SYNE1: variants seen among roughly 807,000 people sequenced by gnomAD.
The protein encoded by SYNE1 is spectrin repeat containing nuclear envelope protein 1, also known as nesprin-1.
A neutral mutation model predicts 1,111.0 loss-of-function variants in SYNE1; 616 were observed. The observed-to-expected ratio is 0.55, with a 90% CI of 0.52 to 0.59. SYNE1 has a LOEUF of 0.59. Among genes scored for constraint, SYNE1 ranks in the 20% least tolerant of loss-of-function variants. The probability of loss-of-function intolerance (pLI) is 0.00; values close to 1 mark genes in which losing one functional copy is unlikely to be tolerated. For missense variants in SYNE1, 10,006 were observed against 10,417.0 expected (o/e 0.96, Z 1.72); for synonymous variants, 3,855 against 3,825.8 (o/e 1.01, Z -0.28).
chr6:152,528,697 A>G (rs77834113), intron 4 of SYNE1, among the ~76,000 whole-genome samples: 1 of 152,206 alleles, frequency 6.6e-6, no homozygotes, highest in Non-Finnish European at 1.5e-5. Context: ...GCTTGTGTCC[A>G]TGCCAGTATA....
At chr6:152,570,323 T>A (rs904091329) in intron 3 of SYNE1, among the ~76,000 whole-genome samples, 2 of 152,228 alleles carry the variant, frequency 1.3e-5, no homozygotes, top group African/African-American at 4.8e-5. Flanking sequence ...CTTTTGAATC[T>A]CTGCCTATAA....
Position 152,381,352 on chromosome 6 carries a change from T to G in SYNE1, c.8663A>C (p.Asp2888Ala). 1 of 1,613,518 alleles carries G rather than the reference T, an allele frequency of 6.2e-7. No individual in the cohort carries two copies. The highest frequency in any genetic ancestry group is 1.3e-5 in the African/African-American group (1 of 75,054). Residue 2888 changes from aspartate to alanine, a missense_variant, in exon 56 of 146, where the codon GAT (aspartate) becomes GCT (alanine). Physicochemically the swap from Asp to Ala is moderately radical, Grantham distance 126. Around this residue, in one of 7 missense-constraint regions of SYNE1, gnomAD observed 4,955 missense variants for 5,017.2 expected, o/e 0.99. Coordinates refer to ENST00000367255, the MANE Select transcript of SYNE1 (RefSeq NM_182961.4). ...ACGGCTTGCACCAATCTCTCTGGAATCTATCAGCTCCTGTAATGGAATATC... is the reference window on the plus strand; with the variant it reads ...ACGGCTTGCACCAATCTCTCTGGAAGCTATCAGCTCCTGTAATGGAATATC... ...KKLSKIKELIDSREIGASRLS... is the reference protein window; with the variant it reads ...KKLSKIKELIASREIGASRLS...
rs886043803 is a variant in SYNE1, at chr6:152,436,054, A to C, written c.4197T>G (p.Leu1399=). ...GCGGTATCTCTGAAGCTTCCTTTAC[A>C]AGGTTCTCAGCCTGGACTGCAATAC... ...TESIAVQAEN[L]VKEASEIPLG... Residue 1399 remains leucine (L), a synonymous_variant, in exon 33 of 146, where the codon CTT becomes CTG. Transcript: ENST00000367255. The C allele has an allele frequency of 1.2e-6, 2 of 1,613,940 alleles. No individual in the cohort carries two copies. Among genetic ancestry groups the C allele is most frequent in the Admixed American group, 1.7e-5 (1 of 59,986 alleles).
Position 152,409,700 on chromosome 6 carries a change from C to A in SYNE1, c.6240G>T (p.Gln2080His), listed in dbSNP as rs201602211. 1 of 1,613,570 alleles carries A rather than the reference C, an allele frequency of 6.2e-7. No individual in the cohort carries two copies. The highest frequency in any genetic ancestry group is 8.5e-7 in the Non-Finnish European group (1 of 1,179,918). Residue 2080 changes from glutamine to histidine, a missense_variant, in exon 43 of 146, where the codon CAG (glutamine) becomes CAT (histidine). Around this residue, in one of 7 missense-constraint regions of SYNE1, gnomAD observed 4,955 missense variants for 5,017.2 expected, o/e 0.99. Transcript: ENST00000367255. ...TCATTAAGTCAATAAGTCCACAGCA[C>A]TGACCCTGACTGTAATGATTAAAGA... ...TKRLIHENQG[Q>H]CCGLIDLMRE...
In SYNE1 at chr6:152,308,378, A is replaced by G. The variant is rs6922495; in HGVS notation, c.17346+111T>C. On this transcript the variant is annotated intron_variant, in intron 91 of 145. Transcript: ENST00000367255. Reference sequence around the variant, plus strand: ...CAAAGAGGCCTCTCAAGAGTTGAACACATTAAGTGCAGGACAGGGGAAACT... The same window carrying G: ...CAAAGAGGCCTCTCAAGAGTTGAACGCATTAAGTGCAGGACAGGGGAAACT... 8,279 of 1,485,292 alleles carry G rather than the reference A, an allele frequency of 5.6e-3. 402 individuals are homozygous for G. The African/African-American group carries it at 0.1, about 18-fold the overall frequency. The allele number at this position is 1,485,292 out of a possible 1,614,324, so 92.0% of individuals were successfully genotyped here. A position where few individuals can be genotyped will look rare whatever the true frequency, so the allele number is the denominator to read the frequency against.
rs572812303 is a variant in SYNE1 at position 152,621,106 on chromosome 6, C to T, written c.67+7159G>A. On this transcript the variant is annotated intron_variant, in intron 3 of 145. Coordinates refer to ENST00000367255, the MANE Select transcript of SYNE1 (RefSeq NM_182961.4). ...GGTTTTAGGAACAGTGACTTGAGCT[C>T]ATTCCAGAAGGTGCCCCAGAAGGAG... 2.4e-4 allele frequency among the ~76,000 whole-genome samples: 36 copies of T among 152,294 alleles called. No individual in the cohort carries two copies. The South Asian group carries it at 4.1e-3, about 18-fold the overall frequency.
At chr6:152,262,720 T>C (rs190043222) in intron 100 of SYNE1, among the ~76,000 whole-genome samples, 55 of 149,752 alleles carry the variant, frequency 3.7e-4, no homozygotes, top group African/African-American at 1.2e-3. Flanking sequence ...GGGAAGGTAG[T>C]ACAGGACACG....
At chr6:152,565,410 A>T (rs1429570352) in intron 3 of SYNE1, among the ~76,000 whole-genome samples, 1 of 152,194 alleles carries the variant, frequency 6.6e-6, no homozygotes, top group South Asian at 2.1e-4. Flanking sequence ...CCAGTATGGC[A>T]TATGCAGCAA....
At chr6:152,475,145 G>A (rs2098827667) in intron 14 of SYNE1, among the ~76,000 whole-genome samples, 1 of 152,048 alleles carries the variant, frequency 6.6e-6, no homozygotes, top group South Asian at 2.1e-4. Flanking sequence ...TTAATAAAAT[G>A]GAACACATGT....
chr6:152,236,541 A>G (rs1257614520), intron 109 of SYNE1, among the ~76,000 whole-genome samples: 1 of 152,050 alleles, frequency 6.6e-6, no homozygotes, highest in East Asian at 1.9e-4. Flanking sequence ...AAAACTGTCA[A>G]ATTATTATTT....
intron 2 of SYNE1, among the ~76,000 whole-genome samples, chr6:152,630,315 A>C (rs1369381835): frequency 6.6e-6 from 1 of 152,104 alleles, no homozygotes; most frequent in Non-Finnish European, 1.5e-5. Flanking sequence ...AGGAGTATAT[A>C]CTAGAAGTAG....
rs760439015 is a variant in SYNE1 at position 152,215,011 on chromosome 6, T to C, written c.22241A>G (p.Asn7414Ser). Residue 7414 changes from asparagine (N) to serine (S), a missense_variant, in exon 122 of 146, where the codon AAT (asparagine) becomes AGT (serine). Asn to Ser is a conservative substitution (Grantham distance 46). Transcript: ENST00000367255. ...CAAGGGTAACCTATATCCAAGCTCATTTAGACGGTCTAAATCTGGAGCCAT... is the reference window on the plus strand; with the variant it reads ...CAAGGGTAACCTATATCCAAGCTCACTTAGACGGTCTAAATCTGGAGCCAT... ...SSMAPDLDRL[N>S]ELGYRLPLND... 6.2e-7 allele frequency: 1 copy of C among 1,614,126 alleles called. No individual in the cohort carries two copies. The highest frequency in any genetic ancestry group is 1.1e-5 in the South Asian group (1 of 91,082).
intron 14 of SYNE1, among the ~76,000 whole-genome samples, chr6:152,474,853 T>A (rs556207054): frequency 3.5e-4 from 53 of 152,050 alleles, no homozygotes; most frequent in African/African-American, 1.2e-3. Context: ...AATAAAACCA[T>A]GGAATAAGAA....
rs755424538 is a variant in SYNE1 at position 152,433,877 on chromosome 6, A to C, written c.4379T>G (p.Val1460Gly). 1 of 1,613,844 alleles carries C rather than the reference A, an allele frequency of 6.2e-7. No homozygotes were observed. Among genetic ancestry groups the C allele is most frequent in the Non-Finnish European group, 8.5e-7 (1 of 1,179,808 alleles). The change falls in exon 34 of 146, where the codon GTC (valine) becomes GGC (glycine). Residue 1460 changes from valine to glycine, a missense_variant. By Grantham distance (109) the Val-to-Gly change is moderately radical. This residue lies in a region of SYNE1 where 1,971 missense variants were observed against 2,084.1 expected (regional missense o/e 0.95). Coordinates refer to ENST00000367255, the MANE Select transcript of SYNE1 (RefSeq NM_182961.4). ...TTCTTTTTCTTTCTCAGTTATCCAG[A>C]CGGACAGAGTCTCAAAATTACTGCC... ...HFGSNFETLSVWITEKEKELN... is the reference protein window; with the variant it reads ...HFGSNFETLSGWITEKEKELN...
In SYNE1 at chr6:152,256,648, C is replaced by T; in HGVS notation, c.19090G>A (p.Glu6364Lys). 2 of 1,613,690 alleles carry T rather than the reference C, an allele frequency of 1.2e-6. No homozygotes were observed. Among genetic ancestry groups the T allele is most frequent in the South Asian group, 1.1e-5 (1 of 91,074 alleles). Reference sequence around the variant, plus strand: ...CACAGCCTTACCTGGGATGAAACCTCCTCGAAGGCTTGGTTCAGTCCATCC... The same window carrying T: ...CACAGCCTTACCTGGGATGAAACCTTCTCGAAGGCTTGGTTCAGTCCATCC... ...LLDGLNQAFE[E>K]VSSQSGGAKR... Residue 6364 changes from glutamate to lysine, a missense_variant, in exon 102 of 146, where the codon GAG (glutamate) becomes AAG (lysine). Physicochemically the swap from Glu to Lys is moderately conservative, Grantham distance 56 (BLOSUM62 1). Around this residue, in one of 7 missense-constraint regions of SYNE1, gnomAD observed 2,182 missense variants for 2,287.8 expected, o/e 0.95. Coordinates refer to ENST00000367255, the MANE Select transcript of SYNE1 (RefSeq NM_182961.4).
At chr6:152,446,021 C>A (rs2098585086) in intron 29 of SYNE1, among the ~76,000 whole-genome samples, 1 of 151,058 alleles carries the variant, frequency 6.6e-6, no homozygotes, top group African/African-American at 2.4e-5. Context: ...AGTCCTGGGG[C>A]AAAATCATGA....
Position 152,233,833 on chromosome 6 carries a change from T to G in SYNE1, c.20660A>C (p.Gln6887Pro). Residue 6887 changes from glutamine (Q) to proline (P), a missense_variant, in exon 112 of 146, where the codon CAG becomes CCG. Transcript: ENST00000367255. ...GATATTGGTTAGCAGGTCAGTCCAC[T>G]GGCTATCAATGCGCGACAGCTCAGA... ...LRSELSRIDS[Q>P]WTDLLTNIPA... The G allele has an allele frequency of 6.2e-7, 1 of 1,614,228 alleles. No individual in the cohort carries two copies. The highest frequency in any genetic ancestry group is 8.5e-7 in the Non-Finnish European group (1 of 1,180,044).
Position 152,323,294 on chromosome 6 carries a change from C to T in SYNE1, c.15917+184G>A, listed in dbSNP as rs144300359. 0.035 allele frequency among the ~76,000 whole-genome samples: 5,401 copies of T among 152,148 alleles called. 144 individuals carry two copies. The highest frequency in any genetic ancestry group is 0.15 in the East Asian group (779 of 5,156). ...TCTACTAAAAATACAAAAAATTAGCCGGGCGTGGTGGCGGGCGCCTGTAGT... is the reference window on the plus strand; with the variant it reads ...TCTACTAAAAATACAAAAAATTAGCTGGGCGTGGTGGCGGGCGCCTGTAGT... On this transcript the variant is annotated intron_variant, in intron 82 of 145. Coordinates refer to ENST00000367255, the MANE Select transcript of SYNE1 (RefSeq NM_182961.4).
At position 152,154,085 on chromosome 6, in the gene SYNE1, T is replaced by C. The variant is rs117484831; in HGVS notation, c.24129+807A>G. Among the ~76,000 whole-genome samples, 1,378 of 152,290 alleles carry C rather than the reference T, an allele frequency of 9.0e-3. 9 individuals are homozygous for C. The highest frequency in any genetic ancestry group is 0.016 in the Non-Finnish European group (1,085 of 68,006). On this transcript the variant is annotated intron_variant, in intron 133 of 145. Transcript: ENST00000367255. ...GCTTCTGAACTCTTTGCTGTTAACATACCTGAGTACACAACTGCCTATTAG... is the reference window on the plus strand; with the variant it reads ...GCTTCTGAACTCTTTGCTGTTAACACACCTGAGTACACAACTGCCTATTAG...
Sources: gnomAD v4.1 joint callset for allele counts (sites outside exome capture counted in the v4.1 genomes callset) on GRCh38, gnomAD v4.1.1 for gene constraint, gnomAD v4.1.1 regional missense constraint, MANE v1.5 for transcripts, NCBI Gene and HGNC (gene_info 2026-07-23, HGNC 2026-07-21) for gene names.